ADAMTS9: variants seen among roughly 807,000 people sequenced by gnomAD.
The protein encoded by ADAMTS9 is A disintegrin and metalloproteinase with thrombospondin motifs 9.
Under a neutral mutation model 257.1 loss-of-function variants are expected in ADAMTS9, and 107 were observed. The observed-to-expected ratio is 0.42, with a 90% CI of 0.36 to 0.49. The LOEUF (loss-of-function observed/expected upper bound fraction) is 0.49. ADAMTS9 is among the 20% of genes least tolerant of loss of function. ADAMTS9 has a pLI of 0.03. For synonymous variants in ADAMTS9, 982 were observed against 880.9 expected (o/e 1.11, Z -2.03); for missense variants, 2,353 against 2,469.1 (o/e 0.95, Z 1.00).
intron 19 of ADAMTS9, among the ~76,000 whole-genome samples, chr3:64,618,986 G>C (rs1202154729): frequency 6.6e-6 from 1 of 152,102 alleles, no homozygotes; most frequent in Admixed American, 6.6e-5. Flanking sequence ...GCTCACTTTG[G>C]AATCTGCTCA....
chr3:64,565,199 C>T (rs755587931), intron 29 of ADAMTS9, among the ~76,000 whole-genome samples: 15 of 152,312 alleles, frequency 9.8e-5, no homozygotes, highest in Middle Eastern at 6.8e-3. Context: ...ACACATTTGC[C>T]ACATTTCTCC....
chr3:64,648,610 G>C (rs1258637087), intron 10 of ADAMTS9, among the ~76,000 whole-genome samples: 1 of 152,052 alleles, frequency 6.6e-6, no homozygotes, highest in Non-Finnish European at 1.5e-5. Context: ...TAGTAGAAAA[G>C]TTGCACAAGT....
At chr3:64,594,111 G>T in intron 28 of ADAMTS9, 147 bp downstream of exon 28, 2 of 842,338 alleles carry the variant, frequency 2.4e-6, no homozygotes, top group South Asian at 4.2e-5. Flanking sequence ...TCTATTATGT[G>T]CCAATATGGA....
chr3:64,639,314 A>ATTTTTTT (rs1559805129), intron 12 of ADAMTS9, among the ~76,000 whole-genome samples: 11 of 79,808 alleles, frequency 1.4e-4, no homozygotes, highest in East Asian at 3.8e-4. Context: ...TTTTTTTTTA[A>ATTTTTTT]AAAAAAAAAA....
At position 64,586,474 on chromosome 3, in the gene ADAMTS9, AC is replaced by A. The variant is rs2084156338; in HGVS notation, c.4356+7783del. Among the ~76,000 whole-genome samples, 4 of 152,092 alleles carry A rather than the reference AC, an allele frequency of 2.6e-5. No homozygotes were observed. In the South Asian group the frequency reaches 8.3e-4, roughly 32 times the overall value. On this transcript the variant is annotated intron_variant, in intron 28 of 39. Coordinates refer to ENST00000498707, the MANE Select transcript of ADAMTS9 (RefSeq NM_182920.2). ...TATTTCTCATTTTAGTGCATAGTCAACCTGAGAGTGAGCATAGTAGATTAAT... is the reference window on the plus strand; with the variant it reads ...TATTTCTCATTTTAGTGCATAGTCAACTGAGAGTGAGCATAGTAGATTAAT...
At chr3:64,634,601 C>T (rs1192384198) in intron 12 of ADAMTS9, among the ~76,000 whole-genome samples, 1 of 152,170 alleles carries the variant, frequency 6.6e-6, no homozygotes, top group South Asian at 2.1e-4. Flanking sequence ...CATGTATATT[C>T]CAGATGTGAT....
At chr3:64,649,595 A>T in intron 10 of ADAMTS9, 42 bp downstream of exon 10, 1 of 1,559,296 alleles carries the variant, frequency 6.4e-7, no homozygotes, top group Non-Finnish European at 8.7e-7. Context: ...AAAGAAGTGC[A>T]GAATCAGTAG....
At position 64,604,299 on chromosome 3, in the gene ADAMTS9, T is replaced by C. The variant is rs1391171332; in HGVS notation, c.3507A>G (p.Pro1169=). Residue 1169 remains proline (P), a synonymous_variant, in exon 24 of 40, where the codon CCA becomes CCG. Coordinates refer to ENST00000498707, the MANE Select transcript of ADAMTS9 (RefSeq NM_182920.2). The part of the protein sequence containing the change: ...DCELPSCHPP[P]AAPETRRSTY... ...TGCTTCTCCTCGTTTCCGGGGCAGC[T>C]GGGGGAGGATGACATGATGGTAATT... 1.2e-6 allele frequency: 2 copies of C among 1,612,576 alleles called. No individual in the cohort carries two copies. Among genetic ancestry groups the C allele is most frequent in the Non-Finnish European group, 1.7e-6 (2 of 1,179,510 alleles).
intron 28 of ADAMTS9, among the ~76,000 whole-genome samples, chr3:64,593,519 C>T (rs2084299816): frequency 6.6e-6 from 1 of 152,192 alleles, no homozygotes; most frequent in African/African-American, 2.4e-5. Context: ...ACAGCTGATG[C>T]TTCTGTTTGC....
intron 12 of ADAMTS9, among the ~76,000 whole-genome samples, chr3:64,639,987 A>G (rs1050575877): frequency 7.3e-5 from 11 of 151,666 alleles, no homozygotes; most frequent in African/African-American, 2.7e-4. Flanking sequence ...AAGTAGGAAT[A>G]GTGTGACAAC....
In ADAMTS9 at chr3:64,653,878, G is replaced by T. The variant is rs988007697; in HGVS notation, c.1316+475C>A. 2.0e-5 allele frequency among the ~76,000 whole-genome samples: 3 copies of T among 152,148 alleles called. No homozygotes were observed. The South Asian group carries it at 6.2e-4, about 32-fold the overall frequency. Reference sequence around the variant, plus strand: ...CTTTCCTGAAAAAAGGGATACTACTGTTCCCAGTGCTAAATATCAGAATTA... The same window carrying T: ...CTTTCCTGAAAAAAGGGATACTACTTTTCCCAGTGCTAAATATCAGAATTA... On this transcript the variant is annotated intron_variant, in intron 8 of 39. Transcript: ENST00000498707.
intron 3 of ADAMTS9, among the ~76,000 whole-genome samples, chr3:64,674,441 T>A (rs544546753): frequency 7.0e-4 from 106 of 152,310 alleles, no homozygotes; most frequent in African/African-American, 2.5e-3. Context: ...ACAAGTTTGT[T>A]CACCTCTCTG....
chr3:64,585,688 C>A (rs538872270), intron 28 of ADAMTS9, among the ~76,000 whole-genome samples: 1 of 152,236 alleles, frequency 6.6e-6, no homozygotes, highest in East Asian at 1.9e-4. Flanking sequence ...ATCTATCATC[C>A]TGACTATCTA....
intron 38 of ADAMTS9, among the ~76,000 whole-genome samples, chr3:64,531,747 C>G (rs1035068349): frequency 1.3e-5 from 2 of 152,310 alleles, no homozygotes; most frequent in African/African-American, 4.8e-5. Context: ...ACTGGGTGTC[C>G]TGTATTTTAT....
Position 64,649,693 on chromosome 3 carries a change from C to T in ADAMTS9, c.1549G>A (p.Val517Met), listed in dbSNP as rs1175135161. The T allele has an allele frequency of 1.5e-5, 25 of 1,613,802 alleles. No individual in the cohort carries two copies. Among genetic ancestry groups the T allele is most frequent in the East Asian group, 2.2e-5 (1 of 44,864 alleles). The part of the protein sequence containing the change: ...PVQLPGILYN[V>M]NKQCELIFGP... ...AAAATCAATTCACATTGTTTATTCA[C>T]GTTGTAAAGGATGCCTGGCAGTTGG... The change falls in exon 10 of 40, where the codon GTG (valine) becomes ATG (methionine). Residue 517 changes from valine to methionine, a missense_variant. By Grantham distance (21) the Val-to-Met change is conservative. Coordinates refer to ENST00000498707, the MANE Select transcript of ADAMTS9 (RefSeq NM_182920.2).
Position 64,604,185 on chromosome 3 carries a change from C to T in ADAMTS9, c.3579+42G>A, listed in dbSNP as rs776985512. On this transcript the variant is annotated intron_variant, in intron 24 of 39. Coordinates refer to ENST00000498707, the MANE Select transcript of ADAMTS9 (RefSeq NM_182920.2). ...CTATAGCCATGTCTGAGAATGTTAGCCCCCATCCTGCCCTCCCCATTTCTC... is the reference window on the plus strand; with the variant it reads ...CTATAGCCATGTCTGAGAATGTTAGTCCCCATCCTGCCCTCCCCATTTCTC... 5.6e-6 allele frequency: 9 copies of T among 1,599,228 alleles called. No individual in the cohort carries two copies. In the South Asian group the frequency reaches 5.6e-5, roughly 10 times the overall value.
chr3:64,603,796 A>G (rs567449845), intron 25 of ADAMTS9, 126 bp downstream of exon 25: 10 of 1,129,504 alleles, frequency 8.9e-6, no homozygotes, highest in Middle Eastern at 2.9e-4. Context: ...AATTTAAATC[A>G]TAAGACAAAT....
At chr3:64,549,149 C>T (rs1388358907) in intron 31 of ADAMTS9, among the ~76,000 whole-genome samples, 1 of 152,166 alleles carries the variant, frequency 6.6e-6, no homozygotes, top group African/African-American at 2.4e-5. Flanking sequence ...CCCTGTGGTC[C>T]CTGTATCTGT....
intron 12 of ADAMTS9, among the ~76,000 whole-genome samples, chr3:64,634,867 G>A (rs1321463024): frequency 6.6e-6 from 1 of 152,146 alleles, no homozygotes; most frequent in Non-Finnish European, 1.5e-5. Flanking sequence ...TCAAACAGGA[G>A]TTTTGGGGAA....
Sources: allele counts gnomAD v4.1 joint callset (sites outside exome capture counted in the v4.1 genomes callset), GRCh38; gene constraint gnomAD v4.1.1; transcripts MANE v1.5; gene names NCBI Gene and HGNC (gene_info 2026-07-23, HGNC 2026-07-21).